MORC2: variants seen among roughly 807,000 people sequenced by gnomAD.
MORC2 encodes MORC family CW-type zinc finger 2, also known as ATPase MORC2.
In MORC2, 30 loss-of-function variants were observed where a neutral mutation model predicts 136.0. The observed-to-expected ratio is 0.22, with a 90% CI of 0.17 to 0.30. MORC2 has a LOEUF of 0.30. Among genes scored for constraint, MORC2 ranks in the 10% least tolerant of loss-of-function variants. The probability of loss-of-function intolerance (pLI) is 1.00; values close to 1 mark genes in which losing one functional copy is unlikely to be tolerated. For missense variants in MORC2, 922 were observed against 1,333.1 expected (o/e 0.69, Z 4.80); for synonymous variants, 439 against 487.0 (o/e 0.90, Z 1.30).
At chr22:30,955,062 G>A (rs1024592511) in intron 3 of MORC2, among the ~76,000 whole-genome samples, 3 of 150,102 alleles carry the variant, frequency 2.0e-5, no homozygotes, top group South Asian at 2.1e-4. Flanking sequence ...GGGTTTAAGC[G>A]ATTCTCCTGC....
chr22:30,939,531 A>T, intron 12 of MORC2, 90 bp downstream of exon 12: 1 of 1,271,564 alleles, frequency 7.9e-7, no homozygotes, highest in African/African-American at 1.5e-5. Flanking sequence ...ATTAAAACAA[A>T]GCAGTCTTGG....
intron 1 of MORC2, among the ~76,000 whole-genome samples, chr22:30,966,363 A>G (rs1021243135): frequency 6.6e-6 from 1 of 152,222 alleles, no homozygotes; most frequent in Non-Finnish European, 1.5e-5. Flanking sequence ...AACATTAAAA[A>G]GGACACTAAA....
At chr22:30,944,019 A>C (rs2040778278) in intron 6 of MORC2, among the ~76,000 whole-genome samples, 1 of 152,110 alleles carries the variant, frequency 6.6e-6, no homozygotes, top group African/African-American at 2.4e-5. Flanking sequence ...CAGCCTCCCA[A>C]AGTGCTGGGA....
At chr22:30,956,691 C>A (rs918551669) in intron 3 of MORC2, 72 bp downstream of exon 3, 1 of 1,228,202 alleles carries the variant, frequency 8.1e-7, no homozygotes, top group South Asian at 1.4e-5. Context: ...ATTTCCCACT[C>A]AATTCTTCTT....
At chr22:30,927,672 TG>T (rs2040508531) in intron 25 of MORC2, among the ~76,000 whole-genome samples, 1 of 152,228 alleles carries the variant, frequency 6.6e-6, no homozygotes, top group African/African-American at 2.4e-5. Flanking sequence ...GCTTATTGCC[TG>T]GATGAAGGGC....
intron 6 of MORC2, among the ~76,000 whole-genome samples, chr22:30,944,291 C>T (rs564307111): frequency 7.9e-5 from 12 of 152,186 alleles, no homozygotes; most frequent in South Asian, 4.1e-4. Flanking sequence ...TACCTCACTA[C>T]GCCTCCCATT....
At chr22:30,960,055 C>CCTCCTGGGTTCAAGTGATT (rs2041021343) in intron 1 of MORC2, among the ~76,000 whole-genome samples, 1 of 152,198 alleles carries the variant, frequency 6.6e-6, no homozygotes, top group Admixed American at 6.5e-5. Flanking sequence ...GCAACCTCCA[C>CCTCCTGGGTTCAAGTGATT]CTCCTGGGTT....
intron 5 of MORC2, among the ~76,000 whole-genome samples, chr22:30,949,333 A>G (rs2040858401): frequency 1.3e-5 from 2 of 152,158 alleles, no homozygotes; most frequent in Non-Finnish European, 2.9e-5. Context: ...CTGGATCCCC[A>G]GTGCCTGGCA....
At chr22:30,939,534 A>G in intron 12 of MORC2, 87 bp downstream of exon 12, 4 of 1,286,880 alleles carry the variant, frequency 3.1e-6, no homozygotes, top group Non-Finnish European at 4.4e-6. Flanking sequence ...AAAACAAAGC[A>G]GTCTTGGTGA....
rs2040617900 is a variant in MORC2 at position 30,934,094 on chromosome 22, A to C, written c.2291T>G (p.Phe764Cys). 1 of 1,613,966 alleles carries C rather than the reference A, an allele frequency of 6.2e-7. No individual in the cohort carries two copies. The highest frequency in any genetic ancestry group is 1.1e-5 in the South Asian group (1 of 91,080). Residue 764 changes from phenylalanine to cysteine, a missense_variant, in exon 20 of 26, where the codon TTT becomes TGT. Around this residue, in one of 9 missense-constraint regions of MORC2, gnomAD observed 263 missense variants for 388.3 expected, o/e 0.68. Coordinates refer to ENST00000397641, the MANE Select transcript of MORC2 (RefSeq NM_001303256.3). This position sits in a 1 kb window ranked among gnomAD's most constrained non-coding sequence, Gnocchi z 4.4. ...RRKERCKRGRFVVKEEKKDSN... is the reference protein window; with the variant it reads ...RRKERCKRGRCVVKEEKKDSN... ...GTCCTTCTTTTCCTCCTTCACAACA[A>C]ATCTGCCCCGCTTGCACCTCTCCTT... is the stretch of plus-strand genomic sequence containing the variant.
Position 30,934,982 on chromosome 22 carries a change from T to C in MORC2, c.1992A>G (p.Thr664=). The part of the protein sequence containing the change: ...PALAAREEAS[T]SRLLQPPEAP... ...CCTCAGGTGGCTGGAGCAGCCTAGA[T>C]GTGCTGGCCTCCTCCCGGGCTGCCA... The change falls in exon 19 of 26, where the codon ACA becomes ACG. Residue 664 remains threonine, a synonymous_variant. Coordinates refer to ENST00000397641, the MANE Select transcript of MORC2 (RefSeq NM_001303256.3). The surrounding 1 kb of genome is among the most constrained non-coding windows in gnomAD (Gnocchi z 4.4). 6.2e-7 allele frequency: 1 copy of C among 1,614,056 alleles called. No individual in the cohort carries two copies. The highest frequency in any genetic ancestry group is 8.5e-7 in the Non-Finnish European group (1 of 1,179,998).
At position 30,937,444 on chromosome 22, in the gene MORC2, C is replaced by T; in HGVS notation, c.1498+139G>A. The T allele has an allele frequency of 1.5e-6, 2 of 1,305,822 alleles. No individual in the cohort carries two copies. Among genetic ancestry groups the T allele is most frequent in the Non-Finnish European group, 2.1e-6 (2 of 953,358 alleles). 80.9% of individuals were successfully genotyped at this position (1,305,822 alleles called of 1,614,324 possible). A position where few individuals can be genotyped will look rare whatever the true frequency, so the allele number is the denominator to read the frequency against. On this transcript the variant is annotated intron_variant, in intron 15 of 25. Transcript: ENST00000397641. The surrounding 1 kb of genome is among the most constrained non-coding windows in gnomAD (Gnocchi z 4.7). ...AGCCTCAAGACTGAGCTCACAGGGC[C>T]ATCGTCAAACAGACTTGGATCCCTA...
chr22:30,946,521 C>G (rs1408129464), intron 5 of MORC2, 72 bp from the exon 6 acceptor site: 1 of 1,343,450 alleles, frequency 7.4e-7, no homozygotes, highest in Non-Finnish European at 1.0e-6. Context: ...AATCAATCCA[C>G]TCTGGACATG....
At chr22:30,957,415 G>T (rs2040982462) in intron 2 of MORC2, among the ~76,000 whole-genome samples, 1 of 152,090 alleles carries the variant, frequency 6.6e-6, no homozygotes, top group Non-Finnish European at 1.5e-5. Flanking sequence ...TTCCATAAAG[G>T]CTCAGAAGTA....
rs1359737661 is a variant in MORC2 at position 30,942,115 on chromosome 22, T to C, written c.583A>G (p.Ser195Gly). 2 of 1,613,312 alleles carry C rather than the reference T, an allele frequency of 1.2e-6. No individual in the cohort carries two copies. The highest frequency in any genetic ancestry group is 1.3e-5 in the African/African-American group (1 of 75,034). Residue 195 changes from serine (S) to glycine (G), a missense_variant, in exon 7 of 26, where the codon AGC becomes GGC. This residue lies in a region of MORC2 where 261 missense variants were observed against 354.3 expected (regional missense o/e 0.74). Transcript: ENST00000397641. The part of the protein sequence containing the change: ...MTQFMKIPGD[S>G]GTLVIIFNLK... ...TACAGGCTCAAAGCCTACTTACCGC[T>C]GTCCCCAGGAATCTTCATAAACTGG...
At chr22:30,959,762 A>G (rs570697267) in intron 1 of MORC2, among the ~76,000 whole-genome samples, 2 of 152,356 alleles carry the variant, frequency 1.3e-5, no homozygotes, top group Non-Finnish European at 2.9e-5. Flanking sequence ...CCAAAGTAAA[A>G]AGTTTCAGCC....
chr22:30,945,151 C>T (rs2040797361), intron 6 of MORC2, among the ~76,000 whole-genome samples: 1 of 152,214 alleles, frequency 6.6e-6, no homozygotes, highest in Admixed American at 6.5e-5. Flanking sequence ...CATCCTCAGT[C>T]CTGTATCAGG....
intron 17 of MORC2, 74 bp downstream of exon 17, chr22:30,936,437 A>G: frequency 6.4e-7 from 1 of 1,572,554 alleles, no homozygotes; most frequent in Non-Finnish European, 8.6e-7. Context: ...GGAACAGGAA[A>G]GCTACTGAAG....
intron 20 of MORC2, 87 bp downstream of exon 20, chr22:30,933,973 T>TAGACTGCTGATGGGGGGTGC: frequency 6.5e-7 from 1 of 1,537,546 alleles, no homozygotes; most frequent in Non-Finnish European, 8.9e-7. Context: ...GTGGATGGTA[T>TAGACTGCTGATGGGGGGTGC]AGACTGCTGA....
Sources: allele counts gnomAD v4.1 joint callset (sites outside exome capture counted in the v4.1 genomes callset), GRCh38; gene constraint gnomAD v4.1.1; regional missense constraint gnomAD v4.1.1; non-coding constraint Gnocchi (gnomAD v3.1); transcripts MANE v1.5; gene names NCBI Gene and HGNC (gene_info 2026-07-23, HGNC 2026-07-21).